GSTA3: variants seen among roughly 807,000 people sequenced by gnomAD.
GSTA3 encodes the protein glutathione S-transferase A3.
A neutral mutation model predicts 23.1 loss-of-function variants in GSTA3; 16 were observed. The observed-to-expected ratio is 0.69, with a 90% confidence interval of 0.47 to 1.05. GSTA3 has a LOEUF of 1.05. Ranked by LOEUF, GSTA3 falls within the 50% of genes least tolerant of loss-of-function variation. GSTA3 has a pLI of 0.00. For missense variants in GSTA3, 319 were observed against 263.6 expected (o/e 1.21, Z -1.46); for synonymous variants, 122 against 91.0 (o/e 1.34, Z -1.94).
intron 1 of GSTA3, among the ~76,000 whole-genome samples, chr6:52,907,632 A>G (rs1414497897): frequency 8.6e-5 from 13 of 151,878 alleles, no homozygotes; most frequent in Non-Finnish European, 1.6e-4. Flanking sequence ...ACCATGGAAT[A>G]CTATGCAGCC....
chr6:52,899,353 C>T (rs896881697), intron 5 of GSTA3, among the ~76,000 whole-genome samples: 6 of 152,172 alleles, frequency 3.9e-5, no homozygotes, highest in Non-Finnish European at 7.3e-5. Flanking sequence ...GCTCTGACTC[C>T]TAACCTGCGC....
chr6:52,901,735 G>A (rs1224232584), intron 4 of GSTA3, among the ~76,000 whole-genome samples: 2 of 152,162 alleles, frequency 1.3e-5, no homozygotes, highest in Admixed American at 1.3e-4. Context: ...TTAGAATCAG[G>A]CAGCCCTATT....
At chr6:52,907,034 A>G (rs1371973487) in intron 1 of GSTA3, among the ~76,000 whole-genome samples, 3 of 149,038 alleles carry the variant, frequency 2.0e-5, no homozygotes, top group East Asian at 3.9e-4. Context: ...GCAACCTACA[A>G]AATGGGAGAA....
intron 1 of GSTA3, among the ~76,000 whole-genome samples, chr6:52,907,595 T>G (rs1017599064): frequency 1.3e-5 from 2 of 151,152 alleles, no homozygotes; most frequent in African/African-American, 4.9e-5. Flanking sequence ...AATGACAGAC[T>G]GGATTAAGAA....
chr6:52,902,912 C>T (rs1004903099), intron 3 of GSTA3, among the ~76,000 whole-genome samples: 1 of 152,112 alleles, frequency 6.6e-6, no homozygotes, highest in Non-Finnish European at 1.5e-5. Flanking sequence ...CTGTGTTCTT[C>T]CAAGCCTACA....
intron 1 of GSTA3, among the ~76,000 whole-genome samples, chr6:52,908,600 T>C (rs1182929276): frequency 6.6e-6 from 1 of 152,156 alleles, no homozygotes; most frequent in Non-Finnish European, 1.5e-5. Context: ...CAATCTGCTG[T>C]TTAAAAAGAA....
chr6:52,908,265 T>G (rs1035250863), intron 1 of GSTA3, among the ~76,000 whole-genome samples: 2 of 151,642 alleles, frequency 1.3e-5, no homozygotes, highest in African/African-American at 4.8e-5. Context: ...CTCATACTTA[T>G]AATCCCAGCA....
At chr6:52,903,000 CT>C (rs1296043559) in intron 3 of GSTA3, among the ~76,000 whole-genome samples, 1 of 152,140 alleles carries the variant, frequency 6.6e-6, no homozygotes, top group Non-Finnish European at 1.5e-5. Context: ...TATTTCTATT[CT>C]TTTCGTCTTA....
chr6:52,903,451 G>T (rs936676647), intron 3 of GSTA3, among the ~76,000 whole-genome samples: 1 of 145,504 alleles, frequency 6.9e-6, no homozygotes, highest in Non-Finnish European at 1.5e-5. Context: ...AAAAAAACTA[G>T]CCTGGTGTGG....
chr6:52,906,564 A>G (rs1268903739), intron 1 of GSTA3, among the ~76,000 whole-genome samples: 3 of 152,212 alleles, frequency 2.0e-5, no homozygotes, highest in Non-Finnish European at 2.9e-5. Flanking sequence ...TTCAAACTAT[A>G]CTACAAGGCT....
In GSTA3 at chr6:52,903,006, G is replaced by A. The variant is rs141355974; in HGVS notation, c.140-528C>T. 1.5e-3 allele frequency among the ~76,000 whole-genome samples: 226 copies of A among 152,134 alleles called. 1 individual carries two copies. Among genetic ancestry groups the A allele is most frequent in the Admixed American group, 3.0e-3 (46 of 15,278 alleles). On this transcript the variant is annotated intron_variant, in intron 3 of 6. Coordinates refer to ENST00000211122, the MANE Select transcript of GSTA3 (RefSeq NM_000847.5). Reference sequence around the variant, plus strand: ...GGCCACATCTATTTCTATTCTTTTCGTCTTATTCATGTTCTTGTGTGTCCT... The same window carrying A: ...GGCCACATCTATTTCTATTCTTTTCATCTTATTCATGTTCTTGTGTGTCCT...
intron 1 of GSTA3, among the ~76,000 whole-genome samples, chr6:52,906,430 C>A (rs1022192523): frequency 3.9e-5 from 6 of 152,146 alleles, no homozygotes; most frequent in African/African-American, 1.4e-4. Context: ...TTTTAGCTAC[C>A]AATGACTTTC....
chr6:52,900,130 G>A lies in GSTA3; in HGVS notation c.273-55C>T, dbSNP rs1460257956. 4.0e-6 allele frequency: 6 copies of A among 1,513,332 alleles called. No individual in the cohort carries two copies. The East Asian group carries it at 6.9e-5, about 17-fold the overall frequency. 93.7% of individuals were successfully genotyped at this position (1,513,332 alleles called of 1,614,324 possible). On this transcript the variant is annotated intron_variant, in intron 4 of 6. Coordinates refer to ENST00000211122, the MANE Select transcript of GSTA3 (RefSeq NM_000847.5). ...ATGCCTCTTGCCTTAGATTTTGTAG[G>A]TTTATAAAAACCTAAGAGAATAGAG... is the stretch of plus-strand genomic sequence containing the variant.
chr6:52,897,043 A>G, intron 6 of GSTA3, 115 bp from the exon 7 acceptor site: 1 of 1,419,026 alleles, frequency 7.0e-7, no homozygotes, highest in South Asian at 1.4e-5. Flanking sequence ...CTCCATCAGC[A>G]CCAGCATGGA....
At position 52,900,006 on chromosome 6, in the gene GSTA3, A is replaced by G; in HGVS notation, c.342T>C (p.Pro114=). Residue 114 remains proline (P), a synonymous_variant, in exon 5 of 7, where the codon CCT becomes CCC. Coordinates refer to ENST00000211122, the MANE Select transcript of GSTA3 (RefSeq NM_000847.5). ...EMILLLPLCR[P]EEKDAKIALI... ...AGGCAATCTTGGCATCTTTTTCCTC[A>G]GGTCGACATAAGGGCAGAAGAAGGA... 8 of 1,613,664 alleles carry G rather than the reference A, an allele frequency of 5.0e-6. No homozygotes were observed. The highest frequency in any genetic ancestry group is 6.8e-6 in the Non-Finnish European group (8 of 1,179,586).
At position 52,902,487 on chromosome 6, in the gene GSTA3, A is replaced by G. The variant is rs777287549; in HGVS notation, c.140-9T>C. The stretch of plus-strand genomic sequence containing the variant: ...GAACATCAAACTCCCATCTTTAGAA[A>G]GAAGGAAAAAAAAGGAACATGAAAT... On this transcript the variant is annotated splice_polypyrimidine_tract_variant and intron_variant, in intron 3 of 6. Transcript: ENST00000211122. 6.3e-7 allele frequency: 1 copy of G among 1,598,892 alleles called. No individual in the cohort carries two copies. The highest frequency in any genetic ancestry group is 1.1e-5 in the South Asian group (1 of 87,074).
intron 6 of GSTA3, among the ~76,000 whole-genome samples, chr6:52,897,324 C>G (rs1765482075): frequency 6.6e-6 from 1 of 152,200 alleles, no homozygotes; most frequent in African/African-American, 2.4e-5. Flanking sequence ...TAAAGTCAAA[C>G]CATGGGACCA....
intron 2 of GSTA3, among the ~76,000 whole-genome samples, chr6:52,905,155 A>T (rs1561956449): frequency 3.3e-5 from 5 of 152,204 alleles, no homozygotes; most frequent in Admixed American, 3.3e-4. Flanking sequence ...CATATATATA[A>T]AAAATACACA....
intron 4 of GSTA3, among the ~76,000 whole-genome samples, 180 bp from the exon 5 acceptor site, chr6:52,900,255 T>C (rs1320263594): frequency 1.3e-5 from 2 of 148,748 alleles, no homozygotes; most frequent in Non-Finnish European, 2.9e-5. Context: ...TCCTTCTTTC[T>C]TTCTTTTTCT....
Sources: gnomAD v4.1 joint callset for allele counts (sites outside exome capture counted in the v4.1 genomes callset) on GRCh38, gnomAD v4.1.1 for gene constraint, MANE v1.5 for transcripts, NCBI Gene and HGNC (gene_info 2026-07-23, HGNC 2026-07-21) for gene names.